Variants in PTPRM observed in about 807,000 individuals in gnomAD.
PTPRM encodes the protein receptor-type tyrosine-protein phosphatase mu.
Under a neutral mutation model 186.7 loss-of-function variants are expected in PTPRM, and 47 were observed. The ratio of observed to expected loss-of-function variants is 0.25; its 90% CI spans 0.20 to 0.32. PTPRM has a LOEUF of 0.32. PTPRM is among the 10% of genes least tolerant of loss of function. PTPRM has a pLI of 1.00. For synonymous variants in PTPRM, 668 were observed against 674.9 expected (o/e 0.99, Z 0.16); for missense variants, 1,494 against 1,865.0 (o/e 0.80, Z 3.66).
At chr18:8,176,544 A>G (rs998752483) in intron 14 of PTPRM, among the ~76,000 whole-genome samples, 10 of 152,222 alleles carry the variant, frequency 6.6e-5, no homozygotes, top group African/African-American at 9.6e-5. Context: ...ATTGCTGTCA[A>G]CTATTAAGCT....
At chr18:8,143,588 T>A in intron 13 of PTPRM, 59 bp from the exon 14 acceptor site, 1 of 1,515,982 alleles carries the variant, frequency 6.6e-7, no homozygotes, top group Non-Finnish European at 9.1e-7. Context: ...TTTTAAACTG[T>A]GGCATCTTTA....
At chr18:7,591,286 G>A (rs957876858) in intron 1 of PTPRM, among the ~76,000 whole-genome samples, 1 of 152,132 alleles carries the variant, frequency 6.6e-6, no homozygotes, top group African/African-American at 2.4e-5. Context: ...TAATTTGTGA[G>A]CAACACTCCT....
At chr18:8,091,918 C>T (rs2145380994) in intron 11 of PTPRM, among the ~76,000 whole-genome samples, 1 of 152,128 alleles carries the variant, frequency 6.6e-6, no homozygotes, top group South Asian at 2.1e-4. Context: ...GAAAGCTTTT[C>T]CCAAATGATA....
intron 1 of PTPRM, among the ~76,000 whole-genome samples, chr18:7,678,620 A>G (rs74865894): frequency 6.6e-6 from 1 of 152,154 alleles, no homozygotes; most frequent in African/African-American, 2.4e-5. Flanking sequence ...AAATATGTAC[A>G]TACATATGAA....
intron 1 of PTPRM, among the ~76,000 whole-genome samples, chr18:7,678,765 T>G (rs1423099480): frequency 6.6e-6 from 1 of 152,252 alleles, no homozygotes; most frequent in African/African-American, 2.4e-5. Context: ...TACTTTTAAT[T>G]GCAGCATAAT....
chr18:8,274,236 G>A (rs548730082), intron 19 of PTPRM, among the ~76,000 whole-genome samples: 2 of 152,286 alleles, frequency 1.3e-5, no homozygotes, highest in Admixed American at 6.5e-5. Flanking sequence ...GCTCATTAAT[G>A]TTGACCCCTT....
At chr18:7,710,932 A>T (rs530614652) in intron 1 of PTPRM, among the ~76,000 whole-genome samples, 2 of 152,338 alleles carry the variant, frequency 1.3e-5, no homozygotes, top group Admixed American at 1.3e-4. Flanking sequence ...ACCCATGCTC[A>T]TGGATGGGTA....
intron 2 of PTPRM, among the ~76,000 whole-genome samples, chr18:7,834,992 C>CTTTTTTTTTTTTTTTTTTTTTTTTGG (rs57839485): frequency 2.3e-5 from 2 of 85,268 alleles, no homozygotes; most frequent in Non-Finnish European, 4.6e-5. Context: ...TTATTTGGAT[C>CTTTTTTTTTTTTTTTTTTTTTTTTGG]TTTTTTTTTT....
intron 14 of PTPRM, among the ~76,000 whole-genome samples, chr18:8,160,013 A>G (rs1273364792): frequency 2.0e-5 from 3 of 152,068 alleles, no homozygotes; most frequent in African/African-American, 7.2e-5. Context: ...AAAATTTAAT[A>G]TATTAAAATA....
rs530445071 is a variant in PTPRM, at chr18:8,144,896, A to G, written c.2300+1117A>G. 2.0e-5 allele frequency among the ~76,000 whole-genome samples: 3 copies of G among 152,316 alleles called. No homozygotes were observed. The East Asian group carries it at 5.8e-4, about 29-fold the overall frequency. On this transcript the variant is annotated intron_variant, in intron 14 of 32. Transcript: ENST00000580170. Reference sequence around the variant, plus strand: ...TCGAAACAGTTGTAGTCATGCATTGAGAGTGAGTTCATGGATGGGAGAAGG... The same window carrying G: ...TCGAAACAGTTGTAGTCATGCATTGGGAGTGAGTTCATGGATGGGAGAAGG...
rs181859434 is a variant in PTPRM at position 7,886,247 on chromosome 18, T to G, written c.197-1859T>G. On this transcript the variant is annotated intron_variant, in intron 2 of 32. Transcript: ENST00000580170. ...AATCTGTAACTCATACACAGGAACG[T>G]CCTACTCTGGATTTATGATGGGGTT... 1.6e-4 allele frequency among the ~76,000 whole-genome samples: 25 copies of G among 152,332 alleles called. 1 individual carries two copies. The East Asian group carries it at 4.6e-3, about 28-fold the overall frequency.
rs187742250 is a variant in PTPRM at position 7,738,524 on chromosome 18, C to A, written c.74-35625C>A. The stretch of plus-strand genomic sequence containing the variant: ...GATCTCAGCTCACTGCAAGCTCCGC[C>A]TCCCGGGTTCATGCCATTCTCCTGC... On this transcript the variant is annotated intron_variant, in intron 1 of 32. Transcript: ENST00000580170. Among the ~76,000 whole-genome samples, 43 of 152,188 alleles carry A rather than the reference C, an allele frequency of 2.8e-4. No homozygotes were observed. The East Asian group carries it at 7.7e-3, about 27-fold the overall frequency.
At chr18:7,815,276 A>G (rs2044749029) in intron 2 of PTPRM, 1 of 152,158 alleles carries the variant, frequency 6.6e-6, no homozygotes. Context: ...GATGGATTTG[A>G]GACTGATCTC....
chr18:8,187,955 A>G (rs779965157), intron 14 of PTPRM, among the ~76,000 whole-genome samples: 1 of 152,216 alleles, frequency 6.6e-6, no homozygotes, highest in Admixed American at 6.5e-5. Context: ...TATATTAAAC[A>G]TCGTATTTTT....
intron 1 of PTPRM, among the ~76,000 whole-genome samples, chr18:7,701,012 C>A (rs373132888): frequency 1.3e-3 from 153 of 118,678 alleles, no homozygotes; most frequent in African/African-American, 3.8e-3. Flanking sequence ...AAAAAGAAAA[C>A]AAGAAAAAAA....
At chr18:8,332,407 A>C (rs1306850468) in intron 22 of PTPRM, among the ~76,000 whole-genome samples, 1 of 152,244 alleles carries the variant, frequency 6.6e-6, no homozygotes, top group Non-Finnish European at 1.5e-5. Flanking sequence ...GTGTCCAATC[A>C]GGATTTCATA....
chr18:8,085,994 A>G (rs2090413095), intron 10 of PTPRM, 122 bp downstream of exon 10: 1 of 919,772 alleles, frequency 1.1e-6, no homozygotes, highest in South Asian at 1.5e-5. Context: ...ATACTCCTGG[A>G]TGCCTGAAGC....
Position 7,574,975 on chromosome 18 carries a change from T to G in PTPRM, c.73+7084T>G, listed in dbSNP as rs1419355056. 2.0e-5 allele frequency among the ~76,000 whole-genome samples: 3 copies of G among 152,198 alleles called. No homozygotes were observed. The East Asian group carries it at 5.8e-4, about 29-fold the overall frequency. On this transcript the variant is annotated intron_variant, in intron 1 of 32. Coordinates refer to ENST00000580170, the MANE Select transcript of PTPRM (RefSeq NM_001105244.2). The stretch of plus-strand genomic sequence containing the variant: ...TGAACCCGGGAGGCGGAGCTTGCAG[T>G]GAGCCGAGATCGCGCCACTGCACTC...
At chr18:7,929,691 T>C (rs538502363) in intron 5 of PTPRM, among the ~76,000 whole-genome samples, 5 of 152,224 alleles carry the variant, frequency 3.3e-5, no homozygotes, top group Admixed American at 6.5e-5. Flanking sequence ...TTAATCTATA[T>C]GTGTACAAAG....
Sources: allele counts gnomAD v4.1 joint callset (sites outside exome capture counted in the v4.1 genomes callset), GRCh38; gene constraint gnomAD v4.1.1; transcripts MANE v1.5; gene names NCBI Gene and HGNC (gene_info 2026-07-23, HGNC 2026-07-21).